The following MAGI2 variants were observed in gnomAD, a reference collection of about 807,000 sequenced individuals.
The protein encoded by MAGI2 is membrane-associated guanylate kinase, WW and PDZ domain-containing protein 2.
MAGI2 carries 35 observed loss-of-function variants against 133.3 expected under a neutral mutation model. The observed-to-expected ratio is 0.26, with a 90% CI of 0.20 to 0.35. The LOEUF (loss-of-function observed/expected upper bound fraction) is 0.35, where lower values mean the gene tolerates loss of function less well. Ranked by LOEUF, MAGI2 falls within the 10% of genes least tolerant of loss-of-function variation. MAGI2 has a pLI of 1.00. For synonymous variants in MAGI2, 729 were observed against 710.6 expected (o/e 1.03, Z -0.41); for missense variants, 1,636 against 1,863.4 (o/e 0.88, Z 2.25).
chr7:78,185,547 C>T, intron 13 of MAGI2, 82 bp downstream of exon 13: 1 of 1,118,800 alleles, frequency 8.9e-7, no homozygotes, highest in Non-Finnish European at 1.3e-6. Context: ...TACTAGGAAA[C>T]TGATACTATC....
intron 6 of MAGI2, among the ~76,000 whole-genome samples, chr7:78,480,637 A>T (rs1584329118): frequency 6.6e-6 from 1 of 151,956 alleles, no homozygotes; most frequent in South Asian, 2.1e-4. Flanking sequence ...GAAATATCTT[A>T]TGATTATATC....
At chr7:79,419,832 C>T (rs1056517752) in intron 1 of MAGI2, among the ~76,000 whole-genome samples, 4 of 151,996 alleles carry the variant, frequency 2.6e-5, no homozygotes, top group Admixed American at 6.6e-5. Context: ...AAACTGATGA[C>T]ATAAAACATA....
intron 9 of MAGI2, among the ~76,000 whole-genome samples, chr7:78,295,074 T>TTAACC (rs1481146796): frequency 6.6e-6 from 1 of 152,190 alleles, no homozygotes; most frequent in Non-Finnish European, 1.5e-5. Context: ...TACCTTGTCT[T>TTAACC]TGTACCTATC....
intron 1 of MAGI2, chr7:79,125,760 C>T: frequency 1.9e-6 from 1 of 520,656 alleles, no homozygotes; most frequent in South Asian, 1.4e-5. Context: ...GCCACAAAAT[C>T]AAGATGGCTG....
At chr7:78,551,540 T>C (rs540261344) in intron 3 of MAGI2, among the ~76,000 whole-genome samples, 5 of 152,176 alleles carry the variant, frequency 3.3e-5, no homozygotes, top group Non-Finnish European at 7.3e-5. Context: ...GCATCAGTAA[T>C]TTGAAAGCCA....
intron 16 of MAGI2, among the ~76,000 whole-genome samples, chr7:78,140,066 T>G (rs1822587168): frequency 6.6e-6 from 1 of 152,190 alleles, no homozygotes; most frequent in East Asian, 1.9e-4. Context: ...CTCCCTTTTT[T>G]GCTGTTGGAT....
intron 2 of MAGI2, among the ~76,000 whole-genome samples, chr7:78,634,124 A>G (rs1404670596): frequency 6.6e-6 from 1 of 152,210 alleles, no homozygotes; most frequent in Non-Finnish European, 1.5e-5. Flanking sequence ...TGTCTTTTTT[A>G]CTGTTTGAGT....
At chr7:79,214,403 CTCTCTATATA>C (rs1164230930) in intron 1 of MAGI2, among the ~76,000 whole-genome samples, 126 of 41,370 alleles carry the variant, frequency 3.0e-3, no homozygotes, top group East Asian at 7.0e-3. Context: ...CTCTCTCTCT[CTCTCTATATA>C]TATATATATA....
At chr7:79,129,934 A>C (rs1820764694) in intron 1 of MAGI2, among the ~76,000 whole-genome samples, 1 of 152,158 alleles carries the variant, frequency 6.6e-6, no homozygotes. Flanking sequence ...TGTCTGCCAT[A>C]ATCATGCAAT....
intron 1 of MAGI2, among the ~76,000 whole-genome samples, chr7:79,431,486 T>C (rs1847774022): frequency 6.6e-6 from 1 of 152,242 alleles, no homozygotes. Context: ...ATCTTTGCTA[T>C]TTATAGTATT....
intron 1 of MAGI2, among the ~76,000 whole-genome samples, chr7:79,080,115 T>C (rs1815912102): frequency 6.6e-6 from 1 of 152,168 alleles, no homozygotes; most frequent in Non-Finnish European, 1.5e-5. Flanking sequence ...ATGTTCACAG[T>C]GACCCTTCCT....
chr7:78,028,247 A>G (rs1345032011), intron 21 of MAGI2, among the ~76,000 whole-genome samples: 1 of 152,236 alleles, frequency 6.6e-6, no homozygotes, highest in African/African-American at 2.4e-5. Flanking sequence ...GCCTTCAAAC[A>G]TGTATTTGTT....
rs868754123 is a variant in MAGI2, at chr7:79,028,291, A to G, written c.302-21085T>C. Among the ~76,000 whole-genome samples the G allele has an allele frequency of 2.3e-3, 85 of 36,746 alleles. 2 individuals carry two copies. Among genetic ancestry groups the G allele is most frequent in the South Asian group, 7.7e-3 (9 of 1,170 alleles). The allele number at this position is 36,746 out of a possible 152,430, so 24.1% of individuals were successfully genotyped here. A position where few individuals can be genotyped will look rare whatever the true frequency, so the allele number is the denominator to read the frequency against. On this transcript the variant is annotated intron_variant, in intron 1 of 21. Transcript: ENST00000354212. ...TATGTATGTATGTATATATATATAT[A>G]TGTGTGTATATATATATATATACAC...
chr7:78,437,502 A>G (rs768551290), intron 6 of MAGI2, among the ~76,000 whole-genome samples: 4 of 152,146 alleles, frequency 2.6e-5, no homozygotes, highest in Non-Finnish European at 4.4e-5. Context: ...TTTTGCTTCC[A>G]CTCACATGCA....
At chr7:78,603,989 G>C (rs1028469280) in intron 3 of MAGI2, among the ~76,000 whole-genome samples, 1 of 152,178 alleles carries the variant, frequency 6.6e-6, no homozygotes, top group Non-Finnish European at 1.5e-5. Context: ...AGAGCTGATA[G>C]GCTGGTCGGA....
chr7:79,001,731 C>T (rs530959303), intron 2 of MAGI2, among the ~76,000 whole-genome samples: 2 of 152,226 alleles, frequency 1.3e-5, no homozygotes, highest in African/African-American at 2.4e-5. Context: ...AATATTCTTC[C>T]GTATTAATTC....
chr7:78,605,958 C>T (rs935766923), intron 3 of MAGI2, among the ~76,000 whole-genome samples: 6 of 152,070 alleles, frequency 3.9e-5, no homozygotes, highest in African/African-American at 1.2e-4. Flanking sequence ...TACTCGTTGG[C>T]GACCTCTGAA....
At chr7:78,423,862 G>A (rs1007485836) in intron 6 of MAGI2, among the ~76,000 whole-genome samples, 3 of 152,168 alleles carry the variant, frequency 2.0e-5, no homozygotes, top group African/African-American at 7.2e-5. Context: ...TTCAAGAGGT[G>A]ACTTGGATGC....
At chr7:78,144,311 T>C (rs1823067374) in intron 16 of MAGI2, among the ~76,000 whole-genome samples, 1 of 152,280 alleles carries the variant, frequency 6.6e-6, no homozygotes, top group East Asian at 1.9e-4. Flanking sequence ...TATTCCTACA[T>C]AGCTGTTTCT....
Sources: allele counts gnomAD v4.1 joint callset (sites outside exome capture counted in the v4.1 genomes callset), GRCh38; gene constraint gnomAD v4.1.1; transcripts MANE v1.5; gene names NCBI Gene and HGNC (gene_info 2026-07-23, HGNC 2026-07-21).